Variants in LAMTOR1 observed in about 807,000 individuals in gnomAD.
LAMTOR1 encodes the protein ragulator complex protein LAMTOR1.
In LAMTOR1, 8 loss-of-function variants were observed where a neutral mutation model predicts 20.5. The ratio of observed to expected loss-of-function variants is 0.39; its 90% CI spans 0.23 to 0.70. LAMTOR1 has a LOEUF of 0.70. LAMTOR1 is among the 30% of genes least tolerant of loss of function. LAMTOR1 has a pLI of 0.43. For missense variants in LAMTOR1, 135 were observed against 206.2 expected (o/e 0.65, Z 2.11); for synonymous variants, 77 against 80.9 (o/e 0.95, Z 0.26).
rs556422987 is a variant in LAMTOR1, at chr11:72,099,938, A to T, written c.43-682T>A. 7.2e-5 allele frequency among the ~76,000 whole-genome samples: 11 copies of T among 152,156 alleles called. No homozygotes were observed. In the South Asian group the frequency reaches 2.3e-3, roughly 32 times the overall value. ...TTTTGTACGTGACTCCCAGAACCAAACTGAGTGTACATGGTGTATCCTGAT... is the reference window on the plus strand; with the variant it reads ...TTTTGTACGTGACTCCCAGAACCAATCTGAGTGTACATGGTGTATCCTGAT... On this transcript the variant is annotated intron_variant, in intron 1 of 4. Transcript: ENST00000278671.
chr11:72,098,292 C>T lies in LAMTOR1; in HGVS notation c.390G>A (p.Gln130=), dbSNP rs1945307149. 6.2e-7 allele frequency: 1 copy of T among 1,613,656 alleles called. No individual in the cohort carries two copies. Among genetic ancestry groups the T allele is most frequent in the East Asian group, 2.2e-5 (1 of 44,814 alleles). Residue 130 remains glutamine, a synonymous_variant, in exon 4 of 5, where the codon CAG becomes CAA. Transcript: ENST00000278671. ...ASEPIPFSDL[Q]QVSRIAAYAY... is the part of the protein sequence containing the mutation. The stretch of plus-strand genomic sequence containing the variant: ...GGGCAGGTGAGGGGTGTCTCACCTG[C>T]TGCAAATCAGAGAACGGGATGGGCT...
intron 2 of LAMTOR1, 80 bp downstream of exon 2, chr11:72,099,031 T>G: frequency 6.4e-7 from 1 of 1,567,236 alleles, no homozygotes; most frequent in Non-Finnish European, 8.7e-7. Flanking sequence ...ATCCCCCATG[T>G]CCTGAGCCTG....
chr11:72,097,790 A>C lies in LAMTOR1; in HGVS notation c.*32T>G. On this transcript the variant is annotated 3_prime_UTR_variant, in exon 5 of 5. Transcript: ENST00000278671. ...GGGGTGGGGTAGAGATGGGATGAAG[A>C]GAGGAGAAGAGCTGTCCAAGGACCC... The C allele has an allele frequency of 6.2e-7, 1 of 1,613,840 alleles. No homozygotes were observed. Among genetic ancestry groups the C allele is most frequent in the Non-Finnish European group, 8.5e-7 (1 of 1,179,880 alleles).
intron 1 of LAMTOR1, among the ~76,000 whole-genome samples, chr11:72,101,563 A>G (rs879892838): frequency 1.3e-5 from 2 of 152,234 alleles, no homozygotes; most frequent in Non-Finnish European, 2.9e-5. Flanking sequence ...GTCAAATTAG[A>G]TAACTGTGAA....
At chr11:72,102,170 A>T (rs1945466543) in intron 1 of LAMTOR1, among the ~76,000 whole-genome samples, 1 of 152,226 alleles carries the variant, frequency 6.6e-6, no homozygotes, top group Non-Finnish European at 1.5e-5. Context: ...AGTACCAGTG[A>T]TATAATCTAT....
intron 1 of LAMTOR1, among the ~76,000 whole-genome samples, chr11:72,102,650 A>G (rs1167122066): frequency 6.6e-6 from 1 of 152,128 alleles, no homozygotes; most frequent in African/African-American, 2.4e-5. Context: ...CACTGTATCG[A>G]TTAAATCCTT....
rs1945268910 is a variant in LAMTOR1, at chr11:72,097,529, C to A, written c.*293G>T. The A allele has an allele frequency of 8.5e-7, 1 of 1,178,226 alleles. No individual in the cohort carries two copies. The highest frequency in any genetic ancestry group is 4.0e-5 in the Admixed American group (1 of 24,756). 73.0% of individuals were successfully genotyped at this position (1,178,226 alleles called of 1,614,324 possible). A position where few individuals can be genotyped will look rare whatever the true frequency, so the allele number is the denominator to read the frequency against. On this transcript the variant is annotated 3_prime_UTR_variant, in exon 5 of 5. Transcript: ENST00000278671. Reference sequence around the variant, plus strand: ...GGATCTCCCTAGGTCCCCTGGTGATCACCCCCCACCCAAACTGGTATCTCC... The same window carrying A: ...GGATCTCCCTAGGTCCCCTGGTGATAACCCCCCACCCAAACTGGTATCTCC...
intron 4 of LAMTOR1, 113 bp downstream of exon 4, chr11:72,098,176 C>G: frequency 7.1e-7 from 1 of 1,404,708 alleles, no homozygotes; most frequent in East Asian, 2.4e-5. Context: ...ACAAGGCTAC[C>G]AGGCTCCCTA....
chr11:72,099,370 A>G, intron 1 of LAMTOR1, 114 bp from the exon 2 acceptor site: 3 of 1,184,728 alleles, frequency 2.5e-6, no homozygotes, highest in Middle Eastern at 2.8e-4. Flanking sequence ...TCTATAAGGA[A>G]TATCTAAAGT....
rs113982031 is a variant in LAMTOR1 at position 72,103,235 on chromosome 11, G to A, written c.-11C>T. 1 of 1,557,148 alleles carries A rather than the reference G, an allele frequency of 6.4e-7. No homozygotes were observed. The highest frequency in any genetic ancestry group is 1.2e-5 in the South Asian group (1 of 84,716). ...GTAGCAGCACCCCATGGCCGGGGTC[G>A]GGCCGGGCGCTCAGGCCGCGCCGAG... On this transcript the variant is annotated 5_prime_UTR_variant, in exon 1 of 5. Transcript: ENST00000278671.
intron 1 of LAMTOR1, among the ~76,000 whole-genome samples, chr11:72,101,777 C>G (rs1288557061): frequency 1.3e-5 from 2 of 152,092 alleles, no homozygotes; most frequent in Non-Finnish European, 2.9e-5. Flanking sequence ...GAGAGCCCCC[C>G]AAGGAGAAGG....
In LAMTOR1 at chr11:72,097,733, C is replaced by G; in HGVS notation, c.*89G>C. 1 of 1,605,462 alleles carries G rather than the reference C, an allele frequency of 6.2e-7. No individual in the cohort carries two copies. Among genetic ancestry groups the G allele is most frequent in the Non-Finnish European group, 8.5e-7 (1 of 1,176,444 alleles). On this transcript the variant is annotated 3_prime_UTR_variant, in exon 5 of 5. Coordinates refer to ENST00000278671, the MANE Select transcript of LAMTOR1 (RefSeq NM_017907.3). The stretch of plus-strand genomic sequence containing the variant: ...CTGTGATTAGTAGCAGGTTAGGGTA[C>G]TGTATAAGCCGCAGTGAGGCTGGGG...
rs189350410 is a variant in LAMTOR1 at position 72,100,436 on chromosome 11, C to T, written c.43-1180G>A. On this transcript the variant is annotated intron_variant, in intron 1 of 4. Coordinates refer to ENST00000278671, the MANE Select transcript of LAMTOR1 (RefSeq NM_017907.3). Reference sequence around the variant, plus strand: ...GTCTTCCTCCTTGTCCTCTTTCAGTCCCCTGTTCTATCTACTGTAATATTT... The same window carrying T: ...GTCTTCCTCCTTGTCCTCTTTCAGTTCCCTGTTCTATCTACTGTAATATTT... Among the ~76,000 whole-genome samples, 322 of 152,352 alleles carry T rather than the reference C, an allele frequency of 2.1e-3. 1 individual carries two copies. Among genetic ancestry groups the T allele is most frequent in the African/African-American group, 7.4e-3 (309 of 41,584 alleles).
chr11:72,103,139 G>C lies in LAMTOR1; in HGVS notation c.42+44C>G, dbSNP rs761542934. On this transcript the variant is annotated intron_variant, in intron 1 of 4. Coordinates refer to ENST00000278671, the MANE Select transcript of LAMTOR1 (RefSeq NM_017907.3). Reference sequence around the variant, plus strand: ...GTTTCTTTCTGGGCCCCATGCCCCAGTGTCTTAGCCCTCATTCCCGAGCCC... The same window carrying C: ...GTTTCTTTCTGGGCCCCATGCCCCACTGTCTTAGCCCTCATTCCCGAGCCC... The C allele has an allele frequency of 5.1e-6, 8 of 1,570,052 alleles. No individual in the cohort carries two copies. In the East Asian group the frequency reaches 1.4e-4, roughly 28 times the overall value.
In LAMTOR1 at chr11:72,097,454, A is replaced by G; in HGVS notation, c.*368T>C. The G allele has an allele frequency of 9.6e-7, 1 of 1,038,712 alleles. No homozygotes were observed. The highest frequency in any genetic ancestry group is 1.2e-6 in the Non-Finnish European group (1 of 861,404). 64.3% of individuals were successfully genotyped at this position (1,038,712 alleles called of 1,614,324 possible). A position where few individuals can be genotyped will look rare whatever the true frequency, so the allele number is the denominator to read the frequency against. ...GTGAGGTGCATGTGAGCACCAAGTC[A>G]GGGAGAGGGGGCAGGAGTGACTCTG... is the stretch of plus-strand genomic sequence containing the variant. On this transcript the variant is annotated 3_prime_UTR_variant, in exon 5 of 5. Coordinates refer to ENST00000278671, the MANE Select transcript of LAMTOR1 (RefSeq NM_017907.3).
At chr11:72,098,531 G>A in intron 3 of LAMTOR1, 116 bp from the exon 4 acceptor site, 1 of 1,291,320 alleles carries the variant, frequency 7.7e-7, no homozygotes, top group Non-Finnish European at 1.1e-6. Context: ...GGGGTATCTG[G>A]GAGGGAAGGT....
At chr11:72,097,972 G>A (rs1288032085) in intron 4 of LAMTOR1, 58 bp from the exon 5 acceptor site, 5 of 1,518,022 alleles carry the variant, frequency 3.3e-6, no homozygotes, top group Non-Finnish European at 3.5e-6. Context: ...AGGGCAATCA[G>A]GAAAAATGGG....
At chr11:72,102,207 C>T (rs570428913) in intron 1 of LAMTOR1, among the ~76,000 whole-genome samples, 5 of 152,200 alleles carry the variant, frequency 3.3e-5, no homozygotes, top group Admixed American at 6.5e-5. Context: ...CCCATTAGAC[C>T]GTGAGCTACC....
chr11:72,100,834 A>T (rs1185827076), intron 1 of LAMTOR1: 1 of 152,260 alleles, frequency 6.6e-6, no homozygotes, highest in Non-Finnish European at 1.5e-5. Context: ...AAGTGTCCTC[A>T]GGCAATTTGA....
Sources: gnomAD v4.1 joint callset for allele counts (sites outside exome capture counted in the v4.1 genomes callset) on GRCh38, gnomAD v4.1.1 for gene constraint, MANE v1.5 for transcripts, NCBI Gene and HGNC (gene_info 2026-07-23, HGNC 2026-07-21) for gene names.